ZDHHC21: variants seen among roughly 807,000 people sequenced by gnomAD.
The protein encoded by ZDHHC21 is palmitoyltransferase ZDHHC21.
A neutral mutation model predicts 34.6 loss-of-function variants in ZDHHC21; 15 were observed. The observed-to-expected ratio is 0.43, with a 90% confidence interval of 0.29 to 0.67. The LOEUF is 0.67. ZDHHC21 is among the 30% of genes least tolerant of loss of function. The pLI is 0.14. For missense variants in ZDHHC21, 344 were observed against 327.7 expected (o/e 1.05, Z -0.38); for synonymous variants, 142 against 101.8 (o/e 1.40, Z -2.38).
intron 2 of ZDHHC21, among the ~76,000 whole-genome samples, chr9:14,688,909 T>C (rs1838757252): frequency 6.6e-6 from 1 of 151,994 alleles, no homozygotes; most frequent in Non-Finnish European, 1.5e-5. Flanking sequence ...CCGGGTGTGG[T>C]GGCACATGCC....
At chr9:14,627,304 G>C (rs1826444416) in intron 8 of ZDHHC21, among the ~76,000 whole-genome samples, 3 of 151,976 alleles carry the variant, frequency 2.0e-5, no homozygotes, top group African/African-American at 7.2e-5. Flanking sequence ...TGTCACCCCT[G>C]CATTTATGAT....
chr9:14,640,768 G>A (rs1034557411), intron 7 of ZDHHC21, among the ~76,000 whole-genome samples: 2 of 152,164 alleles, frequency 1.3e-5, no homozygotes, highest in Non-Finnish European at 2.9e-5. Context: ...TGCCTAGATA[G>A]GAGGGAGGAA....
chr9:14,661,970 A>G (rs7032648), intron 6 of ZDHHC21, among the ~76,000 whole-genome samples: 4,834 of 152,140 alleles, frequency 0.032, 260 homozygotes, highest in African/African-American at 0.11. Flanking sequence ...ATCCTTTTGT[A>G]TATCAGGCTG....
chr9:14,686,647 C>T (rs894569778), intron 2 of ZDHHC21, among the ~76,000 whole-genome samples: 5 of 152,080 alleles, frequency 3.3e-5, no homozygotes, highest in African/African-American at 1.2e-4. Flanking sequence ...TCCTTGGTTG[C>T]ACCTTTGCTT....
chr9:14,613,848 C>T lies in ZDHHC21; in HGVS notation c.*5118G>A, dbSNP rs1209606999. On this transcript the variant is annotated 3_prime_UTR_variant, in exon 10 of 10. Transcript: ENST00000380916. ...GCCAGTTTTTTCAAACTTTGGTCAACCTATTCATTTCTCCTCTGCATTAAA... is the reference window on the plus strand; with the variant it reads ...GCCAGTTTTTTCAAACTTTGGTCAATCTATTCATTTCTCCTCTGCATTAAA... 1.3e-5 allele frequency: 2 copies of T among 151,666 alleles called. No homozygotes were observed. Among genetic ancestry groups the T allele is most frequent in the African/African-American group, 2.4e-5 (1 of 41,384 alleles). The allele number at this position is 151,666 out of a possible 1,614,324, so 9.4% of individuals were successfully genotyped here.
chr9:14,642,538 G>T (rs1056483887), intron 7 of ZDHHC21, among the ~76,000 whole-genome samples: 3 of 152,134 alleles, frequency 2.0e-5, no homozygotes, highest in African/African-American at 4.8e-5. Flanking sequence ...AGCCTTTAAA[G>T]CAGTGACTAA....
At chr9:14,658,281 T>G (rs566984201) in intron 7 of ZDHHC21, among the ~76,000 whole-genome samples, 103 of 152,126 alleles carry the variant, frequency 6.8e-4, no homozygotes, top group African/African-American at 2.4e-3. Flanking sequence ...TAAAAGGAAA[T>G]GTCAGACTAG....
At position 14,611,911 on chromosome 9, in the gene ZDHHC21, T is replaced by A. The variant is rs765598280; in HGVS notation, c.*7055A>T. On this transcript the variant is annotated 3_prime_UTR_variant, in exon 10 of 10. Transcript: ENST00000380916. ...ATATATGAAGTAGAATTTTTTTTCT[T>A]TTATATGTTCATCTCTGGGAGACAG... 6.6e-6 allele frequency: 1 copy of A among 152,014 alleles called. No homozygotes were observed. Among genetic ancestry groups the A allele is most frequent in the Non-Finnish European group, 1.5e-5 (1 of 67,948 alleles). The allele number at this position is 152,014 out of a possible 1,614,324, so 9.4% of individuals were successfully genotyped here. A position where few individuals can be genotyped will look rare whatever the true frequency, so the allele number is the denominator to read the frequency against.
chr9:14,649,730 G>A (rs10961636), intron 7 of ZDHHC21, among the ~76,000 whole-genome samples: 30,980 of 151,904 alleles, frequency 0.2, 3,319 homozygotes, highest in South Asian at 0.32. Flanking sequence ...CTTACAGAGC[G>A]TATTTCACTA....
At position 14,618,675 on chromosome 9, in the gene ZDHHC21, A is replaced by G. The variant is rs1277621197; in HGVS notation, c.*291T>C. The G allele has an allele frequency of 2.0e-5, 5 of 245,018 alleles. No individual in the cohort carries two copies. Among genetic ancestry groups the G allele is most frequent in the Non-Finnish European group, 3.9e-5 (5 of 129,142 alleles). The allele number at this position is 245,018 out of a possible 1,614,324, so 15.2% of individuals were successfully genotyped here. ...GTCAGTACTAAAATAAATTATGTACAATTATTTCATCCTAATCACTGCCTT... is the reference window on the plus strand; with the variant it reads ...GTCAGTACTAAAATAAATTATGTACGATTATTTCATCCTAATCACTGCCTT... On this transcript the variant is annotated 3_prime_UTR_variant, in exon 10 of 10. Transcript: ENST00000380916.
At chr9:14,661,745 T>C (rs929189870) in intron 6 of ZDHHC21, among the ~76,000 whole-genome samples, 6 of 152,168 alleles carry the variant, frequency 3.9e-5, no homozygotes, top group African/African-American at 1.4e-4. Flanking sequence ...AGTAGCTATA[T>C]CCAATACATA....
chr9:14,676,518 A>G (rs1564378820), intron 3 of ZDHHC21, among the ~76,000 whole-genome samples: 1 of 152,034 alleles, frequency 6.6e-6, no homozygotes, highest in East Asian at 1.9e-4. Flanking sequence ...AACAAAAAAC[A>G]AAACAAAAAA....
chr9:14,660,250 C>T (rs530398023), intron 6 of ZDHHC21, among the ~76,000 whole-genome samples: 1 of 151,640 alleles, frequency 6.6e-6, no homozygotes, highest in East Asian at 2.0e-4. Context: ...CTTGTAATCC[C>T]AGCTACTCGG....
chr9:14,600,026 A>G, the ZDHHC21 span, among the ~76,000 whole-genome samples: 1 of 152,246 alleles, frequency 6.6e-6, no homozygotes, highest in African/African-American at 2.4e-5. Context: ...AGAGCTATTT[A>G]TGACAAAACC....
chr9:14,688,354 A>G (rs899757082), intron 2 of ZDHHC21, among the ~76,000 whole-genome samples: 4 of 150,924 alleles, frequency 2.7e-5, no homozygotes, highest in Admixed American at 2.0e-4. Context: ...AAAGTGAAAG[A>G]TAAGTTTTAC....
intron 8 of ZDHHC21, among the ~76,000 whole-genome samples, chr9:14,630,015 C>G (rs1434295909): frequency 6.6e-6 from 1 of 152,134 alleles, no homozygotes; most frequent in Non-Finnish European, 1.5e-5. Flanking sequence ...CACTGCACGC[C>G]AGCCTGGCGA....
chr9:14,593,019 G>C, the ZDHHC21 span, among the ~76,000 whole-genome samples: 1 of 152,078 alleles, frequency 6.6e-6, no homozygotes, highest in Non-Finnish European at 1.5e-5. Flanking sequence ...GTAGTACAGG[G>C]AGGGCAATTT....
At chr9:14,646,699 C>T (rs1398002033) in intron 7 of ZDHHC21, among the ~76,000 whole-genome samples, 1 of 152,166 alleles carries the variant, frequency 6.6e-6, no homozygotes, top group Non-Finnish European at 1.5e-5. Context: ...CACAAGCATA[C>T]TCCCCTCACT....
At chr9:14,624,849 T>C (rs1015838468) in intron 8 of ZDHHC21, among the ~76,000 whole-genome samples, 1 of 152,078 alleles carries the variant, frequency 6.6e-6, no homozygotes, top group Non-Finnish European at 1.5e-5. Context: ...ATGGATAAGT[T>C]AATTACTGAT....
Sources: allele counts gnomAD v4.1 joint callset (sites outside exome capture counted in the v4.1 genomes callset), GRCh38; gene constraint gnomAD v4.1.1; transcripts MANE v1.5; gene names NCBI Gene and HGNC (gene_info 2026-07-23, HGNC 2026-07-21).